PLEKHH2: variants seen among roughly 807,000 people sequenced by gnomAD.
PLEKHH2 encodes pleckstrin homology, MyTH4 and FERM domain containing H2, also known as pleckstrin homology domain-containing family H member 2.
Under a neutral mutation model 187.9 loss-of-function variants are expected in PLEKHH2, and 129 were observed. The ratio of observed to expected loss-of-function variants is 0.69; its 90% CI spans 0.59 to 0.79. The LOEUF is 0.79. Ranked by LOEUF, PLEKHH2 falls within the 30% of genes least tolerant of loss-of-function variation. PLEKHH2 has a pLI of 0.00. For missense variants in PLEKHH2, 2,076 were observed against 1,751.2 expected, an observed-to-expected ratio of 1.19 and a Z score of -3.31; for synonymous variants, 686 against 605.6, an observed-to-expected ratio of 1.13 and a Z score of -1.95.
chr2:43,702,238 G>C (rs1229296483), intron 8 of PLEKHH2, among the ~76,000 whole-genome samples: 1 of 152,030 alleles, frequency 6.6e-6, no homozygotes, highest in African/African-American at 2.4e-5. Context: ...AGCAAATTAG[G>C]GTGGACATGT....
At chr2:43,675,710 A>G in intron 2 of PLEKHH2, 1 of 1,613,968 alleles carries the variant, frequency 6.2e-7, no homozygotes, top group Non-Finnish European at 8.5e-7. Flanking sequence ...TGATCTGCAC[A>G]GGTCTCAGAG....
At chr2:43,686,782 T>TAAC (rs1487693128) in intron 3 of PLEKHH2, among the ~76,000 whole-genome samples, 1 of 152,238 alleles carries the variant, frequency 6.6e-6, no homozygotes, top group East Asian at 1.9e-4. Context: ...ATTTCACTGA[T>TAAC]AACATGTCAG....
chr2:43,750,651 G>A (rs1671973286), intron 24 of PLEKHH2, among the ~76,000 whole-genome samples: 1 of 152,046 alleles, frequency 6.6e-6, no homozygotes, highest in Non-Finnish European at 1.5e-5. Flanking sequence ...AACCCTTTGA[G>A]GTACTATTAT....
At chr2:43,672,331 T>C (rs754582503) in intron 2 of PLEKHH2, among the ~76,000 whole-genome samples, 6 of 152,212 alleles carry the variant, frequency 3.9e-5, no homozygotes, top group Admixed American at 2.0e-4. Context: ...AACCAGCTTT[T>C]GGTTTTATTG....
Position 43,642,558 on chromosome 2 carries a change from T to C in PLEKHH2, c.-3-2113T>C, listed in dbSNP as rs555159707. Among the ~76,000 whole-genome samples, 3 of 152,302 alleles carry C rather than the reference T, an allele frequency of 2.0e-5. No individual in the cohort carries two copies. In the East Asian group the frequency reaches 5.8e-4, roughly 29 times the overall value. On this transcript the variant is annotated intron_variant, in intron 1 of 29. Coordinates refer to ENST00000282406, the MANE Select transcript of PLEKHH2 (RefSeq NM_172069.4). ...GTTCCTGATTTCAGGGAGAAAACTGTCAGTCATTTATCAGTAAGTATGATG... is the reference window on the plus strand; with the variant it reads ...GTTCCTGATTTCAGGGAGAAAACTGCCAGTCATTTATCAGTAAGTATGATG...
intron 2 of PLEKHH2, among the ~76,000 whole-genome samples, chr2:43,647,125 T>C (rs1666220596): frequency 6.6e-6 from 1 of 152,176 alleles, no homozygotes; most frequent in African/African-American, 2.4e-5. Context: ...TGTATAGGTA[T>C]GGTATGATTT....
intron 7 of PLEKHH2, 92 bp downstream of exon 7, chr2:43,697,448 AT>A (rs918707607): frequency 2.8e-6 from 3 of 1,056,984 alleles, no homozygotes; most frequent in African/African-American, 3.3e-5. Flanking sequence ...AATTTTCCTT[AT>A]TTTTTTCTGA....
chr2:43,687,317 A>C (rs1470766022), intron 3 of PLEKHH2, among the ~76,000 whole-genome samples: 1 of 152,212 alleles, frequency 6.6e-6, no homozygotes, highest in Non-Finnish European at 1.5e-5. Flanking sequence ...GCTACAAAGG[A>C]CATGATCTCA....
intron 2 of PLEKHH2, among the ~76,000 whole-genome samples, chr2:43,674,188 T>C (rs1185750563): frequency 1.3e-5 from 2 of 152,166 alleles, no homozygotes; most frequent in African/African-American, 4.8e-5. Flanking sequence ...AACTATACAT[T>C]TGAGGAGAAA....
At chr2:43,750,940 AG>A (rs1671984124) in intron 24 of PLEKHH2, among the ~76,000 whole-genome samples, 1 of 152,220 alleles carries the variant, frequency 6.6e-6, no homozygotes, top group African/African-American at 2.4e-5. Context: ...GTGCTGTAAC[AG>A]GAAGAATGTA....
At chr2:43,727,452 C>G (rs974718698) in intron 17 of PLEKHH2, among the ~76,000 whole-genome samples, 3 of 149,598 alleles carry the variant, frequency 2.0e-5, no homozygotes, top group Middle Eastern at 3.2e-3. Flanking sequence ...TGTAAGAAAT[C>G]AGAGTGCAAA....
intron 2 of PLEKHH2, among the ~76,000 whole-genome samples, chr2:43,652,329 C>T (rs1397184763): frequency 6.6e-6 from 1 of 152,182 alleles, no homozygotes; most frequent in Non-Finnish European, 1.5e-5. Flanking sequence ...TAGGTCTTTA[C>T]AGGGCTCTGC....
intron 3 of PLEKHH2, among the ~76,000 whole-genome samples, chr2:43,686,711 A>G (rs559834964): frequency 2.0e-5 from 3 of 152,238 alleles, no homozygotes; most frequent in Non-Finnish European, 4.4e-5. Flanking sequence ...TGTGTTGTAA[A>G]TGTGATTAGA....
intron 27 of PLEKHH2, among the ~76,000 whole-genome samples, chr2:43,761,200 T>C (rs1672415011): frequency 6.6e-6 from 1 of 152,190 alleles, no homozygotes; most frequent in Non-Finnish European, 1.5e-5. Flanking sequence ...ATTCCAGTTT[T>C]ATATCTATAG....
Position 43,738,496 on chromosome 2 carries a change from A to C in PLEKHH2, c.3099A>C (p.Pro1033=), listed in dbSNP as rs759064048. The part of the protein sequence containing the change: ...QLIKQTRRRQ[P]QNQPGPLQGW... ...TTAAACAGACAAGACGAAGACAGCC[A>C]CAGAATCAACCAGGACCATTGCAGG... Residue 1033 remains proline, a synonymous_variant, in exon 20 of 30, where the codon CCA becomes CCC. Transcript: ENST00000282406. 1.2e-6 allele frequency: 2 copies of C among 1,612,854 alleles called. No individual in the cohort carries two copies. Among genetic ancestry groups the C allele is most frequent in the African/African-American group, 1.3e-5 (1 of 74,938 alleles).
At chr2:43,718,330 G>C (rs1670311935) in intron 15 of PLEKHH2, among the ~76,000 whole-genome samples, 1 of 152,136 alleles carries the variant, frequency 6.6e-6, no homozygotes, top group African/African-American at 2.4e-5. Flanking sequence ...ACAAGGTCAA[G>C]AGATTGAGAC....
intron 28 of PLEKHH2, among the ~76,000 whole-genome samples, chr2:43,763,084 T>TA (rs1452635084): frequency 6.6e-6 from 1 of 152,186 alleles, no homozygotes; most frequent in Non-Finnish European, 1.5e-5. Context: ...TATAATTGCT[T>TA]AAAAAACAAA....
At chr2:43,643,724 A>T (rs1385553655) in intron 1 of PLEKHH2, among the ~76,000 whole-genome samples, 1 of 152,132 alleles carries the variant, frequency 6.6e-6, no homozygotes, top group East Asian at 1.9e-4. Flanking sequence ...AGGGCAGTTC[A>T]TAGCAAGGGG....
intron 16 of PLEKHH2, among the ~76,000 whole-genome samples, chr2:43,721,843 C>T (rs1670495888): frequency 6.6e-6 from 1 of 152,008 alleles, no homozygotes; most frequent in African/African-American, 2.4e-5. Context: ...CTGTGATTCG[C>T]ACCATTGCAT....
Sources: allele counts gnomAD v4.1 joint callset (sites outside exome capture counted in the v4.1 genomes callset), GRCh38; gene constraint gnomAD v4.1.1; transcripts MANE v1.5; gene names NCBI Gene and HGNC (gene_info 2026-07-23, HGNC 2026-07-21).